Variants in GCNT2 observed in about 807,000 individuals in gnomAD.
The protein encoded by GCNT2 is N-acetyllactosaminide beta-1,6-N-acetylglucosaminyl-transferase.
In GCNT2, 34 loss-of-function variants were observed where a neutral mutation model predicts 34.2. That is an observed-to-expected ratio of 1.00 (90% CI 0.76 to 1.32). The LOEUF (loss-of-function observed/expected upper bound fraction) is 1.32. GCNT2 is among the 40% of genes most tolerant of loss of function. The pLI, the probability that GCNT2 is intolerant of heterozygous loss-of-function variation, is 0.00. For missense variants in GCNT2, 584 were observed against 489.4 expected (o/e 1.19, Z -1.82); for synonymous variants, 212 against 188.0 (o/e 1.13, Z -1.04).
At chr6:10,549,571 T>C (rs1433534177) in intron 3 of GCNT2, among the ~76,000 whole-genome samples, 1 of 136,224 alleles carries the variant, frequency 7.3e-6, no homozygotes, top group Non-Finnish European at 1.6e-5. Context: ...CTCTTTTTTT[T>C]TTTTTTTTTT....
chr6:10,618,304 A>C (rs907945726), intron 3 of GCNT2, among the ~76,000 whole-genome samples: 1 of 151,854 alleles, frequency 6.6e-6, no homozygotes, highest in Non-Finnish European at 1.5e-5. Flanking sequence ...CATCAAACAG[A>C]AAGTATTGAA....
intron 3 of GCNT2, among the ~76,000 whole-genome samples, chr6:10,610,799 G>C (rs753731907): frequency 2.0e-5 from 3 of 152,092 alleles, no homozygotes; most frequent in Non-Finnish European, 4.4e-5. Context: ...TCCTAAACTA[G>C]AGCCTAGAAA....
intron 3 of GCNT2, among the ~76,000 whole-genome samples, chr6:10,572,744 A>T (rs994581675): frequency 6.6e-6 from 1 of 151,996 alleles, no homozygotes; most frequent in Non-Finnish European, 1.5e-5. Flanking sequence ...AAAAAAAAAT[A>T]AAAATAAAAA....
intron 3 of GCNT2, among the ~76,000 whole-genome samples, chr6:10,587,527 C>T (rs1364926073): frequency 2.0e-5 from 3 of 152,142 alleles, no homozygotes; most frequent in Non-Finnish European, 4.4e-5. Flanking sequence ...TTGGAACATA[C>T]GGAGAGAGAA....
chr6:10,575,191 A>G, intron 3 of GCNT2: 1 of 389,782 alleles, frequency 2.6e-6, no homozygotes, highest in Non-Finnish European at 4.9e-6. Flanking sequence ...GAGAACATAC[A>G]TTGGGTGCCT....
chr6:10,548,792 G>C (rs182848056), intron 3 of GCNT2, among the ~76,000 whole-genome samples: 5 of 150,484 alleles, frequency 3.3e-5, no homozygotes, highest in African/African-American at 1.2e-4. Flanking sequence ...ACGAAGTCTC[G>C]CTGTCACCCA....
At chr6:10,571,358 A>T (rs1008689798) in intron 3 of GCNT2, among the ~76,000 whole-genome samples, 12 of 146,508 alleles carry the variant, frequency 8.2e-5, no homozygotes, top group Admixed American at 1.4e-4. Flanking sequence ...TATTATTATT[A>T]TTTTTTGAGA....
chr6:10,575,604 C>A (rs1264561864), intron 3 of GCNT2, among the ~76,000 whole-genome samples: 1 of 152,138 alleles, frequency 6.6e-6, no homozygotes, highest in Non-Finnish European at 1.5e-5. Context: ...CTGTGACTTG[C>A]ACGTATATGC....
At chr6:10,607,304 C>T (rs964213492) in intron 3 of GCNT2, among the ~76,000 whole-genome samples, 1 of 152,114 alleles carries the variant, frequency 6.6e-6, no homozygotes, top group African/African-American at 2.4e-5. Flanking sequence ...CCTCAGGAAA[C>T]TTTCAAACAT....
chr6:10,535,420 C>G (rs1761710282), intron 3 of GCNT2, among the ~76,000 whole-genome samples: 1 of 152,222 alleles, frequency 6.6e-6, no homozygotes, highest in Non-Finnish European at 1.5e-5. Context: ...TACCCTTAAT[C>G]TGGTCCACAA....
At chr6:10,580,127 G>C (rs886620498) in intron 3 of GCNT2, among the ~76,000 whole-genome samples, 1 of 152,190 alleles carries the variant, frequency 6.6e-6, no homozygotes, top group East Asian at 1.9e-4. Context: ...AGACAAAACT[G>C]GCATCCTGAG....
chr6:10,555,134 G>T (rs946461376), intron 3 of GCNT2, among the ~76,000 whole-genome samples: 1 of 152,202 alleles, frequency 6.6e-6, no homozygotes, highest in Non-Finnish European at 1.5e-5. Flanking sequence ...GGTAGTGAAC[G>T]TGTTGGGGTT....
chr6:10,597,871 A>G (rs1472298881), intron 3 of GCNT2, among the ~76,000 whole-genome samples: 1 of 152,268 alleles, frequency 6.6e-6, no homozygotes, highest in African/African-American at 2.4e-5. Context: ...GTAGAATACT[A>G]AGCAAATGGA....
intron 3 of GCNT2, among the ~76,000 whole-genome samples, chr6:10,558,569 C>T (rs906716857): frequency 2.6e-5 from 4 of 152,168 alleles, no homozygotes; most frequent in African/African-American, 9.7e-5. Flanking sequence ...AAGAAAACAG[C>T]GTGCTTTGGA....
chr6:10,524,981 C>G (rs1761118618), intron 1 of GCNT2, among the ~76,000 whole-genome samples: 1 of 152,000 alleles, frequency 6.6e-6, no homozygotes, highest in Non-Finnish European at 1.5e-5. Context: ...ATCGGCCCAC[C>G]CCCCCGGTTT....
chr6:10,561,998 C>T (rs1281715352), intron 3 of GCNT2, among the ~76,000 whole-genome samples: 5 of 152,112 alleles, frequency 3.3e-5, no homozygotes, highest in Admixed American at 6.5e-5. Flanking sequence ...AGGACTCTTT[C>T]GGTTGCAAGT....
intron 3 of GCNT2, among the ~76,000 whole-genome samples, chr6:10,577,787 T>C (rs1763885955): frequency 6.6e-6 from 1 of 151,998 alleles, no homozygotes. Context: ...GTGATCCACC[T>C]GCCTCAGCCT....
intron 3 of GCNT2, among the ~76,000 whole-genome samples, chr6:10,563,296 A>G (rs1264267638): frequency 6.6e-6 from 1 of 152,204 alleles, no homozygotes; most frequent in Non-Finnish European, 1.5e-5. Flanking sequence ...TTTCTCTCAT[A>G]AAAACATGTT....
chr6:10,535,128 G>A (rs947013533), intron 3 of GCNT2, among the ~76,000 whole-genome samples: 11 of 152,270 alleles, frequency 7.2e-5, no homozygotes, highest in African/African-American at 2.4e-4. Context: ...AGGTTGCAAT[G>A]AGCCGAGATC....
Sources: gnomAD v4.1 joint callset for allele counts (sites outside exome capture counted in the v4.1 genomes callset) on GRCh38, gnomAD v4.1.1 for gene constraint, MANE v1.5 for transcripts, NCBI Gene and HGNC (gene_info 2026-07-23, HGNC 2026-07-21) for gene names.